Variants in PIGK observed in about 807,000 individuals in gnomAD.
PIGK encodes the protein GPI-anchor transamidase.
A neutral mutation model predicts 50.6 loss-of-function variants in PIGK; 42 were observed. The observed-to-expected ratio is 0.83, with a 90% confidence interval of 0.65 to 1.07. The LOEUF is 1.07. Among genes scored for constraint, PIGK ranks in the 50% least tolerant of loss-of-function variants. The pLI is 0.00. For synonymous variants in PIGK, 151 were observed against 156.0 expected (o/e 0.97, Z 0.24); for missense variants, 448 against 488.7 (o/e 0.92, Z 0.78).
chr1:77,183,068 T>C (rs1207274939), intron 3 of PIGK, among the ~76,000 whole-genome samples: 1 of 152,130 alleles, frequency 6.6e-6, no homozygotes, highest in Non-Finnish European at 1.5e-5. Flanking sequence ...AGAGTTGAAA[T>C]TGTGGAAAAA....
intron 3 of PIGK, among the ~76,000 whole-genome samples, chr1:77,176,309 C>A (rs1185212715): frequency 1.3e-5 from 2 of 152,022 alleles, no homozygotes; most frequent in African/African-American, 4.8e-5. Flanking sequence ...ATCCAAAAGA[C>A]AGGTAAACAG....
chr1:77,185,039 G>A (rs1291523111), intron 3 of PIGK, among the ~76,000 whole-genome samples: 1 of 152,170 alleles, frequency 6.6e-6, no homozygotes, highest in Non-Finnish European at 1.5e-5. Context: ...TAACCAAGTG[G>A]CGACTCCAAT....
chr1:77,199,407 T>C (rs1486167555), intron 3 of PIGK, among the ~76,000 whole-genome samples: 1 of 151,980 alleles, frequency 6.6e-6, no homozygotes, highest in Non-Finnish European at 1.5e-5. Flanking sequence ...TGAGAAGTGA[T>C]AGGAGACAAG....
chr1:77,186,815 C>T (rs551313478), intron 3 of PIGK, among the ~76,000 whole-genome samples: 6 of 152,248 alleles, frequency 3.9e-5, no homozygotes, highest in Admixed American at 2.6e-4. Context: ...GCCCAATTTG[C>T]CAGCAGCAGA....
chr1:77,211,437 T>A (rs997192504), intron 1 of PIGK, among the ~76,000 whole-genome samples: 1 of 152,020 alleles, frequency 6.6e-6, no homozygotes, highest in Non-Finnish European at 1.5e-5. Context: ...TAGGTTGTAC[T>A]CTGATAATTC....
chr1:77,142,670 G>A (rs893767056), intron 9 of PIGK, among the ~76,000 whole-genome samples: 2 of 152,084 alleles, frequency 1.3e-5, no homozygotes, highest in Non-Finnish European at 2.9e-5. Context: ...GCAGGAGAGA[G>A]AAGTGCAAGC....
At chr1:77,124,640 C>G (rs562162543) in intron 9 of PIGK, among the ~76,000 whole-genome samples, 1 of 150,192 alleles carries the variant, frequency 6.7e-6, no homozygotes, top group South Asian at 2.1e-4. Flanking sequence ...AACACACACA[C>G]GCAGCAACAA....
At chr1:77,145,249 T>C (rs1654741856) in intron 9 of PIGK, among the ~76,000 whole-genome samples, 1 of 151,970 alleles carries the variant, frequency 6.6e-6, no homozygotes, top group Admixed American at 6.6e-5. Flanking sequence ...TTCAATAATG[T>C]AATATATACT....
chr1:77,097,009 C>A (rs1422667991), intron 10 of PIGK, among the ~76,000 whole-genome samples: 1 of 150,788 alleles, frequency 6.6e-6, no homozygotes, highest in Non-Finnish European at 1.5e-5. Context: ...AGACTTGGAA[C>A]CAACCCAAAT....
chr1:77,124,336 C>T (rs1331780024), intron 9 of PIGK, among the ~76,000 whole-genome samples: 3 of 152,100 alleles, frequency 2.0e-5, no homozygotes, highest in Non-Finnish European at 2.9e-5. Flanking sequence ...AGGCCAGGCA[C>T]AGTGGCTCAC....
chr1:77,163,445 A>C (rs1051614417), intron 6 of PIGK, among the ~76,000 whole-genome samples: 13 of 152,066 alleles, frequency 8.5e-5, no homozygotes, highest in African/African-American at 2.9e-4. Flanking sequence ...TGCTAATCAT[A>C]ATTTCAGCGA....
At chr1:77,111,961 T>C (rs1229986417) in intron 10 of PIGK, among the ~76,000 whole-genome samples, 1 of 151,984 alleles carries the variant, frequency 6.6e-6, no homozygotes, top group Admixed American at 6.6e-5. Flanking sequence ...AATCAAATAA[T>C]TAAATACACT....
At chr1:77,208,032 G>A (rs35686656) in intron 2 of PIGK, among the ~76,000 whole-genome samples, 1 of 152,020 alleles carries the variant, frequency 6.6e-6, no homozygotes, top group African/African-American at 2.4e-5. Context: ...GAACGGCCTA[G>A]GCAACACAAT....
At chr1:77,167,019 CT>C (rs1302413255) in intron 4 of PIGK, among the ~76,000 whole-genome samples, 189 bp from the exon 5 acceptor site, 1 of 152,176 alleles carries the variant, frequency 6.6e-6, no homozygotes, top group Non-Finnish European at 1.5e-5. Flanking sequence ...CTCCAAGTAA[CT>C]TTGTTACTAT....
intron 9 of PIGK, among the ~76,000 whole-genome samples, chr1:77,126,004 TCTTTTTTCA>T (rs1654222309): frequency 6.6e-6 from 1 of 152,194 alleles, no homozygotes; most frequent in South Asian, 2.1e-4. Context: ...ATGATTTTTG[TCTTTTTTCA>T]CCATTTACTT....
At chr1:77,092,611 C>A in intron 10 of PIGK, 121 bp from the exon 11 acceptor site, 1 of 655,220 alleles carries the variant, frequency 1.5e-6, no homozygotes, top group South Asian at 1.7e-5. Flanking sequence ...ACTAGTTAGT[C>A]AAATTAAACA....
chr1:77,200,700 C>G (rs1656144261), intron 3 of PIGK, among the ~76,000 whole-genome samples: 1 of 152,038 alleles, frequency 6.6e-6, no homozygotes, highest in African/African-American at 2.4e-5. Flanking sequence ...GGGGAGAAGA[C>G]AGCTGTGCTA....
At chr1:77,214,766 A>G (rs1446271442) in intron 1 of PIGK, among the ~76,000 whole-genome samples, 1 of 152,196 alleles carries the variant, frequency 6.6e-6, no homozygotes, top group Non-Finnish European at 1.5e-5. Context: ...ACACTCCACA[A>G]AAAACTCTTA....
chr1:77,188,323 A>C (rs1009070321), intron 3 of PIGK, among the ~76,000 whole-genome samples: 6 of 152,188 alleles, frequency 3.9e-5, no homozygotes, highest in African/African-American at 1.4e-4. Context: ...ATAGGCTTAT[A>C]AACAGCCCCC....
Sources: gnomAD v4.1 joint callset for allele counts (sites outside exome capture counted in the v4.1 genomes callset) on GRCh38, gnomAD v4.1.1 for gene constraint, MANE v1.5 for transcripts, NCBI Gene and HGNC (gene_info 2026-07-23, HGNC 2026-07-21) for gene names.